Variants in CUX1 observed in about 807,000 individuals in gnomAD.
The protein encoded by CUX1 is protein CASP.
A neutral mutation model predicts 158.8 loss-of-function variants in CUX1; 31 were observed. That is an observed-to-expected ratio of 0.20 (90% confidence interval 0.15 to 0.26). The LOEUF (loss-of-function observed/expected upper bound fraction) is 0.26. Ranked by LOEUF, CUX1 falls within the 10% of genes least tolerant of loss-of-function variation. The probability of loss-of-function intolerance (pLI) is 1.00; values close to 1 mark genes in which losing one functional copy is unlikely to be tolerated. For synonymous variants in CUX1, 879 were observed against 862.1 expected, an observed-to-expected ratio of 1.02 and a Z score of -0.34; for missense variants, 1,589 against 2,014.6, an observed-to-expected ratio of 0.79 and a Z score of 4.04.
chr7:101,821,715 C>T (rs1189270991), intron 1 of CUX1, among the ~76,000 whole-genome samples: 2 of 111,532 alleles, frequency 1.8e-5, no homozygotes, highest in Middle Eastern at 7.8e-3. Context: ...GGTTCTGTCG[C>T]CCAGGCTGGA....
chr7:102,173,771 G>A (rs782046360), intron 10 of CUX1, among the ~76,000 whole-genome samples: 20 of 152,140 alleles, frequency 1.3e-4, no homozygotes, highest in East Asian at 1.9e-4. Context: ...TCCTAGGGGC[G>A]CTTAAACACT....
At chr7:102,170,051 T>A (rs1376162214) in intron 9 of CUX1, among the ~76,000 whole-genome samples, 2 of 152,234 alleles carry the variant, frequency 1.3e-5, no homozygotes, top group Admixed American at 6.5e-5. Context: ...GTGTCTTTAA[T>A]TCACTGTTTA....
rs112453848 is a variant in CUX1, at chr7:101,980,726, C to T, written c.142-47372C>T. Among the ~76,000 whole-genome samples, 10 of 152,228 alleles carry T rather than the reference C, an allele frequency of 6.6e-5. 1 individual carries two copies. Among genetic ancestry groups the T allele is most frequent in the African/African-American group, 2.4e-4 (10 of 41,548 alleles). On this transcript the variant is annotated intron_variant, in intron 2 of 23. Coordinates refer to ENST00000292535, the MANE Select transcript of CUX1 (RefSeq NM_181552.4). ...GCTTGTAACTGTTCAGCCAGCCAGC[C>T]GTCTCCTAACTCTGTGACCCCCGGC...
chr7:101,987,698 G>A (rs904648356), intron 2 of CUX1, among the ~76,000 whole-genome samples: 1 of 152,236 alleles, frequency 6.6e-6, no homozygotes, highest in African/African-American at 2.4e-5. Flanking sequence ...CGCAGGGCAC[G>A]TGCCTGAGGG....
intron 2 of CUX1, among the ~76,000 whole-genome samples, chr7:101,997,277 C>G (rs896101537): frequency 1.6e-4 from 25 of 152,234 alleles, no homozygotes; most frequent in African/African-American, 5.3e-4. Context: ...GTGCACGGAG[C>G]CTGCTCCACG....
chr7:102,043,370 T>TG (rs1554464757), intron 3 of CUX1, among the ~76,000 whole-genome samples: 2 of 148,338 alleles, frequency 1.3e-5, no homozygotes, highest in Non-Finnish European at 3.0e-5. Context: ...TGTGTGTGTG[T>TG]TGAGAACACT....
chr7:101,843,521 T>G (rs1795378874), intron 1 of CUX1, among the ~76,000 whole-genome samples: 1 of 152,224 alleles, frequency 6.6e-6, no homozygotes, highest in Non-Finnish European at 1.5e-5. Context: ...GAATTGTGAT[T>G]ATTCTTAAAA....
intron 3 of CUX1, among the ~76,000 whole-genome samples, chr7:102,030,998 G>A (rs910541182): frequency 3.9e-5 from 6 of 151,990 alleles, no homozygotes; most frequent in African/African-American, 1.2e-4. Context: ...CACTGTACCC[G>A]GCCCCTGCAT....
At chr7:102,274,107 G>A in intron 15 of CUX1, 2 of 799,924 alleles carry the variant, frequency 2.5e-6, no homozygotes. Context: ...GGGCCCTCCT[G>A]CAGCCAGCCT....
intron 3 of CUX1, among the ~76,000 whole-genome samples, chr7:102,063,916 G>A (rs1440362348): frequency 6.6e-6 from 1 of 152,194 alleles, no homozygotes. Flanking sequence ...TGTCATCCTA[G>A]AACTCCAGGA....
intron 1 of CUX1, among the ~76,000 whole-genome samples, chr7:101,870,861 G>C (rs1798447449): frequency 6.6e-6 from 1 of 152,230 alleles, no homozygotes; most frequent in South Asian, 2.1e-4. Context: ...AGTAATTTTA[G>C]AATAGATGCT....
rs371419366 is a variant in CUX1 at position 102,087,676 on chromosome 7, TG to T, written c.269-9687del. ...ACAATATAAGAATCTTATAATACATTGTCACTTTCTCACTCTTGTTCTTTTG... is the reference window on the plus strand; with the variant it reads ...ACAATATAAGAATCTTATAATACATTTCACTTTCTCACTCTTGTTCTTTTG... On this transcript the variant is annotated intron_variant, in intron 4 of 23. Coordinates refer to ENST00000292535, the MANE Select transcript of CUX1 (RefSeq NM_181552.4). 5.1e-3 allele frequency among the ~76,000 whole-genome samples: 776 copies of T among 152,338 alleles called. 7 individuals are homozygous for T. The highest frequency in any genetic ancestry group is 0.017 in the African/African-American group (720 of 41,580).
chr7:102,140,401 A>G (rs1174236822), intron 8 of CUX1, among the ~76,000 whole-genome samples: 1 of 152,080 alleles, frequency 6.6e-6, no homozygotes, highest in African/African-American at 2.4e-5. Context: ...GCACACCACC[A>G]TGCCCAGCCA....
intron 1 of CUX1, among the ~76,000 whole-genome samples, chr7:101,830,236 G>T (rs1016372959): frequency 2.6e-5 from 4 of 152,210 alleles, no homozygotes; most frequent in Non-Finnish European, 5.9e-5. Context: ...CAGATCCCCT[G>T]ACATGGTCGG....
chr7:101,837,981 C>G (rs543634509), intron 1 of CUX1, among the ~76,000 whole-genome samples: 1 of 151,948 alleles, frequency 6.6e-6, no homozygotes, highest in African/African-American at 2.4e-5. Context: ...TTTTCAGCCC[C>G]CTTTCCTCAT....
chr7:102,078,498 C>T (rs1226657164), intron 4 of CUX1, among the ~76,000 whole-genome samples: 10 of 152,218 alleles, frequency 6.6e-5, no homozygotes, highest in African/African-American at 2.2e-4. Context: ...TTGCCTCTGT[C>T]TGTGACCTGC....
chr7:101,836,805 G>C (rs897354681), intron 1 of CUX1, among the ~76,000 whole-genome samples: 2 of 152,096 alleles, frequency 1.3e-5, no homozygotes, highest in African/African-American at 4.8e-5. Context: ...ACATGCCTGT[G>C]GGAGAAGAGG....
chr7:101,981,519 C>G (rs1813441014), intron 2 of CUX1, among the ~76,000 whole-genome samples: 1 of 152,148 alleles, frequency 6.6e-6, no homozygotes, highest in Non-Finnish European at 1.5e-5. Flanking sequence ...TAGCCACTCT[C>G]TTTTACAGAT....
At chr7:102,170,309 T>C (rs1001325898) in intron 9 of CUX1, 137 bp from the exon 10 acceptor site, 7 of 634,900 alleles carry the variant, frequency 1.1e-5, no homozygotes, top group Non-Finnish European at 1.9e-5. Flanking sequence ...GTGTTTTTTT[T>C]CCTAGCATTT....
Sources: allele counts gnomAD v4.1 joint callset (sites outside exome capture counted in the v4.1 genomes callset), GRCh38; gene constraint gnomAD v4.1.1; transcripts MANE v1.5; gene names NCBI Gene and HGNC (gene_info 2026-07-23, HGNC 2026-07-21).